The following MGAT1 variants were observed in gnomAD, a reference collection of about 807,000 sequenced individuals.
MGAT1 encodes the protein alpha-1,3-mannosyl-glycoprotein 2-beta-N-acetylglucosaminyltransferase, also known as N-glycosyl-oligosaccharide-glycoprotein N-acetylglucosaminyltransferase I.
In MGAT1, 14 loss-of-function variants were observed where a neutral mutation model predicts 31.7. The ratio of observed to expected loss-of-function variants is 0.44; its 90% confidence interval spans 0.29 to 0.69. MGAT1 has a LOEUF of 0.69. Ranked by LOEUF, MGAT1 falls within the 30% of genes least tolerant of loss-of-function variation. The pLI is 0.12. For missense variants in MGAT1, 557 were observed against 626.0 expected, an observed-to-expected ratio of 0.89 and a Z score of 1.18; for synonymous variants, 338 against 276.0, an observed-to-expected ratio of 1.22 and a Z score of -2.23.
chr5:180,794,825 GC>G (rs1376476843), intron 1 of MGAT1, among the ~76,000 whole-genome samples: 1 of 149,260 alleles, frequency 6.7e-6, no homozygotes, highest in East Asian at 2.0e-4. Flanking sequence ...AGTCTCTCCT[GC>G]ATGCCCCATT....
chr5:180,799,178 C>T (rs1425975018), intron 1 of MGAT1, among the ~76,000 whole-genome samples: 1 of 152,212 alleles, frequency 6.6e-6, no homozygotes, highest in Non-Finnish European at 1.5e-5. Context: ...AACTCAAACT[C>T]AAACTCATTA....
intron 1 of MGAT1, among the ~76,000 whole-genome samples, chr5:180,811,605 C>G (rs928833660): frequency 6.6e-6 from 1 of 150,550 alleles, no homozygotes; most frequent in African/African-American, 2.5e-5. Context: ...GATGCAACAC[C>G]TCAACATGTC....
chr5:180,811,948 C>T (rs575144780), intron 1 of MGAT1, among the ~76,000 whole-genome samples: 1 of 152,308 alleles, frequency 6.6e-6, no homozygotes, highest in Admixed American at 6.5e-5. Context: ...TCTTTCCTCC[C>T]ATGTCACCTC....
At chr5:180,800,098 A>G (rs1190664477) in intron 1 of MGAT1, among the ~76,000 whole-genome samples, 1 of 152,204 alleles carries the variant, frequency 6.6e-6, no homozygotes, top group East Asian at 1.9e-4. Flanking sequence ...TGTTGTTGTA[A>G]GCCACTAAGT....
At position 180,793,105 on chromosome 5, in the gene MGAT1, C is replaced by T. The variant is rs1036883240; in HGVS notation, c.-126-8G>A. ...TAGGAGGCAGCCATGCACCTAAAGACAGGAGAGAGAAAGCAAACCGTCACA... is the reference window on the plus strand; with the variant it reads ...TAGGAGGCAGCCATGCACCTAAAGATAGGAGAGAGAAAGCAAACCGTCACA... On this transcript the variant is annotated splice_polypyrimidine_tract_variant and splice_region_variant and intron_variant, in intron 1 of 1. Coordinates refer to ENST00000307826, the MANE Select transcript of MGAT1 (RefSeq NM_002406.4). 2.7e-6 allele frequency: 3 copies of T among 1,094,110 alleles called. No individual in the cohort carries two copies. In the African/African-American group the frequency reaches 4.8e-5, roughly 17 times the overall value. The allele number at this position is 1,094,110 out of a possible 1,614,324, so 67.8% of individuals were successfully genotyped here.
At chr5:180,814,074 A>AT (rs1443085571) in intron 1 of MGAT1, among the ~76,000 whole-genome samples, 1 of 151,924 alleles carries the variant, frequency 6.6e-6, no homozygotes, top group African/African-American at 2.4e-5. Context: ...ATTTTCACAC[A>AT]TTTTTTCAGG....
In MGAT1 at chr5:180,785,577, C is replaced by T. The variant is rs1189702508; in HGVS notation, c.*6057G>A. The T allele has an allele frequency of 6.6e-6, 1 of 152,274 alleles. No homozygotes were observed. The highest frequency in any genetic ancestry group is 1.9e-4 in the East Asian group (1 of 5,196). The allele number at this position is 152,274 out of a possible 1,614,324, so 9.4% of individuals were successfully genotyped here. A position where few individuals can be genotyped will look rare whatever the true frequency, so the allele number is the denominator to read the frequency against. On this transcript the variant is annotated 3_prime_UTR_variant, in exon 2 of 2. Transcript: ENST00000307826. Reference sequence around the variant, plus strand: ...TCCATGAACTCCCTGGAGCTCAAGGCCCCAAGTGTGCCTGTTCTAGCAAGA... The same window carrying T: ...TCCATGAACTCCCTGGAGCTCAAGGTCCCAAGTGTGCCTGTTCTAGCAAGA...
Position 180,791,518 on chromosome 5 carries a change from C to T in MGAT1, c.*116G>A, listed in dbSNP as rs978672563. 4 of 1,334,688 alleles carry T rather than the reference C, an allele frequency of 3.0e-6. No homozygotes were observed. Among genetic ancestry groups the T allele is most frequent in the African/African-American group, 1.5e-5 (1 of 67,888 alleles). 82.7% of individuals were successfully genotyped at this position (1,334,688 alleles called of 1,614,324 possible). On this transcript the variant is annotated 3_prime_UTR_variant, in exon 2 of 2. Coordinates refer to ENST00000307826, the MANE Select transcript of MGAT1 (RefSeq NM_002406.4). ...GCACTTAAATGCCACTCGGAAAAATCAAAAAGATAAATGCACCTAAGAGGG... is the reference window on the plus strand; with the variant it reads ...GCACTTAAATGCCACTCGGAAAAATTAAAAAGATAAATGCACCTAAGAGGG...
rs1020972100 is a variant in MGAT1, at chr5:180,786,257, C to T, written c.*5377G>A. ...ACCCTGAGAAGACTCAGCCCCCTGC[C>T]ACAGTAGGACAGGTTTCTCAAACAA... On this transcript the variant is annotated 3_prime_UTR_variant, in exon 2 of 2. Transcript: ENST00000307826. 4.6e-5 allele frequency: 7 copies of T among 152,230 alleles called. No individual in the cohort carries two copies. Among genetic ancestry groups the T allele is most frequent in the African/African-American group, 1.7e-4 (7 of 41,444 alleles). 9.4% of individuals were successfully genotyped at this position (152,230 alleles called of 1,614,324 possible).
upstream of MGAT1, among the ~76,000 whole-genome samples, chr5:180,805,432 CAT>C (rs1472375463): frequency 2.0e-5 from 3 of 152,206 alleles, no homozygotes; most frequent in African/African-American, 7.2e-5. Flanking sequence ...TAAATTAAAA[CAT>C]ATGTTGGCTT....
At chr5:180,800,100 C>A (rs560350524) in intron 1 of MGAT1, among the ~76,000 whole-genome samples, 2 of 152,272 alleles carry the variant, frequency 1.3e-5, no homozygotes, top group African/African-American at 4.8e-5. Flanking sequence ...TTGTTGTAAG[C>A]CACTAAGTTC....
In MGAT1 at chr5:180,787,245, G is replaced by T. The variant is rs1257301011; in HGVS notation, c.*4389C>A. 1.3e-5 allele frequency: 2 copies of T among 152,412 alleles called. No individual in the cohort carries two copies. The highest frequency in any genetic ancestry group is 2.9e-5 in the Non-Finnish European group (2 of 68,072). The allele number at this position is 152,412 out of a possible 1,614,324, so 9.4% of individuals were successfully genotyped here. A position where few individuals can be genotyped will look rare whatever the true frequency, so the allele number is the denominator to read the frequency against. On this transcript the variant is annotated 3_prime_UTR_variant, in exon 2 of 2. Transcript: ENST00000307826. ...CCGCACTCTATGACATCGGCCACCA[G>T]GCTGGTCTCCAGGAAATAGGGCCCT...
In MGAT1 at chr5:180,793,000, G is replaced by A; in HGVS notation, c.-29C>T. ...GGCCCCCACCGGGGAGGGCAGGCCA[G>A]GGGACGGTTCAAGGCTGCCCTGGGC... On this transcript the variant is annotated 5_prime_UTR_variant, in exon 2 of 2. Coordinates refer to ENST00000307826, the MANE Select transcript of MGAT1 (RefSeq NM_002406.4). The A allele has an allele frequency of 1.9e-6, 3 of 1,611,132 alleles. No individual in the cohort carries two copies. The highest frequency in any genetic ancestry group is 2.5e-6 in the Non-Finnish European group (3 of 1,179,284).
At chr5:180,799,219 G>C (rs1581857815) in intron 1 of MGAT1, among the ~76,000 whole-genome samples, 1 of 152,144 alleles carries the variant, frequency 6.6e-6, no homozygotes, top group South Asian at 2.1e-4. Context: ...CAGACAGACT[G>C]TCTGAAACAT....
chr5:180,801,919 A>G (rs1770855348), intron 1 of MGAT1, among the ~76,000 whole-genome samples: 3 of 152,268 alleles, frequency 2.0e-5, no homozygotes, highest in Admixed American at 2.0e-4. Flanking sequence ...AGAATTGGGA[A>G]GGACCAGGAC....
At position 180,790,299 on chromosome 5, in the gene MGAT1, G is replaced by C. The variant is rs1181461138; in HGVS notation, c.*1335C>G. 1 of 152,252 alleles carries C rather than the reference G, an allele frequency of 6.6e-6. No homozygotes were observed. The highest frequency in any genetic ancestry group is 1.5e-5 in the Non-Finnish European group (1 of 68,090). The allele number at this position is 152,252 out of a possible 1,614,324, so 9.4% of individuals were successfully genotyped here. A position where few individuals can be genotyped will look rare whatever the true frequency, so the allele number is the denominator to read the frequency against. On this transcript the variant is annotated 3_prime_UTR_variant, in exon 2 of 2. Transcript: ENST00000307826. ...ACCAGCTTTCCTGCTGCGGCCTCCT[G>C]GCTCTACAGGACGATCAGCAGGAGC...
intron 1 of MGAT1, among the ~76,000 whole-genome samples, chr5:180,793,559 G>A (rs1031022342): frequency 6.6e-6 from 1 of 152,162 alleles, no homozygotes; most frequent in African/African-American, 2.4e-5. Context: ...ATCATCTCCA[G>A]GGTTATTTAA....
In MGAT1 at chr5:180,787,109, C is replaced by T. The variant is rs1374873464; in HGVS notation, c.*4525G>A. ...ATACGGATTAATCCCACAGCCACCA[C>T]AGAAGGTTGTGTTACCCCCGCCTCA... On this transcript the variant is annotated 3_prime_UTR_variant, in exon 2 of 2. Coordinates refer to ENST00000307826, the MANE Select transcript of MGAT1 (RefSeq NM_002406.4). 1 of 152,316 alleles carries T rather than the reference C, an allele frequency of 6.6e-6. No individual in the cohort carries two copies. Among genetic ancestry groups the T allele is most frequent in the Non-Finnish European group, 1.5e-5 (1 of 68,120 alleles). 9.4% of individuals were successfully genotyped at this position (152,316 alleles called of 1,614,324 possible).
chr5:180,808,803 G>C (rs1772196326), exon 2 of MGAT1: 1 of 152,294 alleles, frequency 6.6e-6, no homozygotes, highest in Non-Finnish European at 1.5e-5. Flanking sequence ...ACCCTGACGG[G>C]GAGGAGTCTG....
Sources: gnomAD v4.1 joint callset for allele counts (sites outside exome capture counted in the v4.1 genomes callset) on GRCh38, gnomAD v4.1.1 for gene constraint, MANE v1.5 for transcripts, NCBI Gene and HGNC (gene_info 2026-07-23, HGNC 2026-07-21) for gene names.